The following SPATA2 variants were observed in gnomAD, a reference collection of about 807,000 sequenced individuals.
The protein encoded by SPATA2 is spermatogenesis associated 2, also known as spermatogenesis-associated protein 2.
A neutral mutation model predicts 35.4 loss-of-function variants in SPATA2; 8 were observed. The ratio of observed to expected loss-of-function variants is 0.23; its 90% CI spans 0.13 to 0.41. SPATA2 has a LOEUF of 0.41. SPATA2 is among the 10% of genes least tolerant of loss of function. SPATA2 has a pLI of 1.00. For synonymous variants in SPATA2, 293 were observed against 300.9 expected (o/e 0.97, Z 0.27); for missense variants, 650 against 698.7 (o/e 0.93, Z 0.79).
In SPATA2 at chr20:49,906,339, C is replaced by G. The variant is rs1026667410; in HGVS notation, c.843G>C (p.Thr281=). 1.2e-6 allele frequency: 2 copies of G among 1,610,632 alleles called. No individual in the cohort carries two copies. The highest frequency in any genetic ancestry group is 4.5e-5 in the East Asian group (2 of 44,824). Residue 281 remains threonine (T), a synonymous_variant, in exon 3 of 3, where the codon ACG becomes ACC. Coordinates refer to ENST00000289431, the MANE Select transcript of SPATA2 (RefSeq NM_006038.4). This position sits in a 1 kb window ranked among gnomAD's most constrained non-coding sequence, Gnocchi z 8.2. Reference sequence around the variant, plus strand: ...CATCCTTGAGGTCGTCCCCCACATCCGTTGCCACAGGCTCCTTCCGAAGAC... The same window carrying G: ...CATCCTTGAGGTCGTCCCCCACATCGGTTGCCACAGGCTCCTTCCGAAGAC... ...SLSLRKEPVA[T]DVGDDLKDEI...
chr20:49,911,719 T>C (rs549286162), intron 1 of SPATA2, among the ~76,000 whole-genome samples: 1 of 151,972 alleles, frequency 6.6e-6, no homozygotes, highest in East Asian at 1.9e-4. Context: ...AAATGGATGC[T>C]GCAAAGGATG....
At position 49,905,664 on chromosome 20, in the gene SPATA2, C is replaced by G; in HGVS notation, c.1518G>C (p.Gln506His). 3 of 1,614,212 alleles carry G rather than the reference C, an allele frequency of 1.9e-6. No individual in the cohort carries two copies. Among genetic ancestry groups the G allele is most frequent in the Non-Finnish European group, 2.5e-6 (3 of 1,180,046 alleles). The change falls in exon 3 of 3, where the codon CAG becomes CAC. Residue 506 changes from glutamine to histidine, a missense_variant. Coordinates refer to ENST00000289431, the MANE Select transcript of SPATA2 (RefSeq NM_006038.4). The part of the protein sequence containing the change: ...SELHKFMPNN[Q>H]LNYKSTQLSH... ...AGAGCTGGGTGGACTTGTAGTTCAG[C>G]TGGTTGTTGGGCATGAACTTGTGCA...
chr20:49,913,587 C>G (rs2090193174), intron 1 of SPATA2: 1 of 152,258 alleles, frequency 6.6e-6, no homozygotes. Flanking sequence ...GCTGCATCTG[C>G]TGGACAGCTC....
rs1052536404 is a variant in SPATA2 at position 49,906,738 on chromosome 20, G to A, written c.444C>T (p.Tyr148=). ...GGGTCTCCACGAGCTCTCTGAGCTT[G>A]TATGCAGTGCCCAGCTCAGGTGTGT... ...MGYTPELGTA[Y]KLRELVETLQ... Residue 148 remains tyrosine (Y), a synonymous_variant, in exon 3 of 3, where the codon TAC becomes TAT. Transcript: ENST00000289431. This position sits in a 1 kb window ranked among gnomAD's most constrained non-coding sequence, Gnocchi z 8.2. 3 of 1,614,126 alleles carry A rather than the reference G, an allele frequency of 1.9e-6. No homozygotes were observed. Among genetic ancestry groups the A allele is most frequent in the Admixed American group, 1.7e-5 (1 of 60,012 alleles).
intron 1 of SPATA2, among the ~76,000 whole-genome samples, chr20:49,911,687 GA>G (rs1211542039): frequency 5.3e-4 from 80 of 151,496 alleles, no homozygotes; most frequent in South Asian, 1.5e-3. Context: ...AAAAGAAAAA[GA>G]AAAAGAAAAG....
Position 49,915,461 on chromosome 20 carries a change from C to G in SPATA2, c.-184G>C, listed in dbSNP as rs1321830179. ...GCCGCCGGAGCCGGGCCCCGTCGGG[C>G]TCTAGCCTCTCCGGCCGGCTGCAGG... On this transcript the variant is annotated 5_prime_UTR_variant, in exon 1 of 3. Coordinates refer to ENST00000289431, the MANE Select transcript of SPATA2 (RefSeq NM_006038.4). 1 of 152,250 alleles carries G rather than the reference C, an allele frequency of 6.6e-6. No individual in the cohort carries two copies. The highest frequency in any genetic ancestry group is 1.5e-5 in the Non-Finnish European group (1 of 68,074). 9.4% of individuals were successfully genotyped at this position (152,250 alleles called of 1,614,324 possible). A position where few individuals can be genotyped will look rare whatever the true frequency, so the allele number is the denominator to read the frequency against.
chr20:49,908,512 A>C lies in SPATA2; in HGVS notation c.-22T>G. On this transcript the variant is annotated 5_prime_UTR_variant, in exon 2 of 3. The change abolishes the stop of an existing upstream ORF in the 5' untranslated region. Transcript: ENST00000289431. ...CCATCCGATCGAGGGGGGCTACCTT[A>C]TCTCCTCCATGGCTTCTGGATTAGA... 1 of 1,556,516 alleles carries C rather than the reference A, an allele frequency of 6.4e-7. No homozygotes were observed. The highest frequency in any genetic ancestry group is 8.8e-7 in the Non-Finnish European group (1 of 1,142,812).
In SPATA2 at chr20:49,905,788, C is replaced by T. The variant is rs377592515; in HGVS notation, c.1394G>A (p.Arg465His). ...TPTSRCGFCN[R>H]PGATNTCTQC... The stretch of plus-strand genomic sequence containing the variant: ...GGTGCAGGTGTTGGTGGCGCCTGGG[C>T]GGTTGCAGAAGCCACAGCGGGAAGT... Residue 465 changes from arginine to histidine, a missense_variant, in exon 3 of 3, where the codon CGC becomes CAC. Physicochemically the swap from Arg to His is conservative, Grantham distance 29. Transcript: ENST00000289431. The T allele has an allele frequency of 2.9e-5, 47 of 1,613,968 alleles. No homozygotes were observed. Among genetic ancestry groups the T allele is most frequent in the Non-Finnish European group, 3.2e-5 (38 of 1,179,996 alleles).
At chr20:49,909,376 T>G (rs1034340491) in intron 1 of SPATA2, among the ~76,000 whole-genome samples, 1 of 151,972 alleles carries the variant, frequency 6.6e-6, no homozygotes, top group African/African-American at 2.4e-5. Context: ...GCAGCCCCAG[T>G]GGACCATGTG....
chr20:49,914,438 C>T (rs1043646293), intron 1 of SPATA2, among the ~76,000 whole-genome samples: 2 of 152,140 alleles, frequency 1.3e-5, no homozygotes, highest in Non-Finnish European at 2.9e-5. Flanking sequence ...GTTTACACAT[C>T]CCTGGTCTAG....
At position 49,911,352 on chromosome 20, in the gene SPATA2, G is replaced by C. The variant is rs575478151; in HGVS notation, c.-102-2760C>G. Among the ~76,000 whole-genome samples, 8 of 152,220 alleles carry C rather than the reference G, an allele frequency of 5.3e-5. No homozygotes were observed. In the South Asian group the frequency reaches 1.5e-3, roughly 28 times the overall value. On this transcript the variant is annotated intron_variant, in intron 1 of 2. Transcript: ENST00000289431. ...GATGCCTAACACAGAGCCTGCCTGT[G>C]CTTGATAAAGTAGGTGAAATGGATG...
At position 49,905,673 on chromosome 20, in the gene SPATA2, G is replaced by C. The variant is rs1450660421; in HGVS notation, c.1509C>G (p.Pro503=). 3.7e-6 allele frequency: 6 copies of C among 1,614,096 alleles called. No individual in the cohort carries two copies. The highest frequency in any genetic ancestry group is 5.1e-6 in the Non-Finnish European group (6 of 1,180,046). The change falls in exon 3 of 3, where the codon CCC becomes CCG. Residue 503 remains proline, a synonymous_variant. Transcript: ENST00000289431. ...YKKSELHKFM[P]NNQLNYKSTQ... ...TGGACTTGTAGTTCAGCTGGTTGTTGGGCATGAACTTGTGCAGCTCACTCT... is the reference window on the plus strand; with the variant it reads ...TGGACTTGTAGTTCAGCTGGTTGTTCGGCATGAACTTGTGCAGCTCACTCT...
At position 49,906,350 on chromosome 20, in the gene SPATA2, G is replaced by A. The variant is rs1265814669; in HGVS notation, c.832C>T (p.Pro278Ser). 1 of 1,612,800 alleles carries A rather than the reference G, an allele frequency of 6.2e-7. No homozygotes were observed. The highest frequency in any genetic ancestry group is 1.3e-5 in the African/African-American group (1 of 75,002). Residue 278 changes from proline (P) to serine (S), a missense_variant, in exon 3 of 3, where the codon CCT (proline) becomes TCT (serine). Physicochemically the swap from Pro to Ser is moderately conservative, Grantham distance 74. Coordinates refer to ENST00000289431, the MANE Select transcript of SPATA2 (RefSeq NM_006038.4). The surrounding 1 kb of genome is among the most constrained non-coding windows in gnomAD (Gnocchi z 8.2). ...LKASLSLRKEPVATDVGDDLK... is the reference protein window; with the variant it reads ...LKASLSLRKESVATDVGDDLK... ...TCGTCCCCCACATCCGTTGCCACAG[G>A]CTCCTTCCGAAGACTCAATGAGGCC... is the stretch of plus-strand genomic sequence containing the variant.
Position 49,905,677 on chromosome 20 carries a change from A to T in SPATA2, c.1505T>A (p.Met502Lys). The T allele has an allele frequency of 6.2e-7, 1 of 1,614,228 alleles. No homozygotes were observed. Among genetic ancestry groups the T allele is most frequent in the South Asian group, 1.1e-5 (1 of 91,084 alleles). Residue 502 changes from methionine to lysine, a missense_variant, in exon 3 of 3, where the codon ATG becomes AAG. Coordinates refer to ENST00000289431, the MANE Select transcript of SPATA2 (RefSeq NM_006038.4). Reference sequence around the variant, plus strand: ...CTTGTAGTTCAGCTGGTTGTTGGGCATGAACTTGTGCAGCTCACTCTTTTT... The same window carrying T: ...CTTGTAGTTCAGCTGGTTGTTGGGCTTGAACTTGTGCAGCTCACTCTTTTT... Reference protein sequence around the residue: ...CYKKSELHKFMPNNQLNYKST... With the variant: ...CYKKSELHKFKPNNQLNYKST...
At chr20:49,907,522 CATGAGG>C (rs2090155115) in intron 2 of SPATA2, among the ~76,000 whole-genome samples, 1 of 152,140 alleles carries the variant, frequency 6.6e-6, no homozygotes, top group Admixed American at 6.5e-5. Context: ...CTGGTATTTC[CATGAGG>C]GGCTGAGTAA....
At chr20:49,915,228 C>T (rs6122841) in intron 1 of SPATA2, among the ~76,000 whole-genome samples, 152 bp downstream of exon 1, 1 of 152,188 alleles carries the variant, frequency 6.6e-6, no homozygotes, top group Admixed American at 6.5e-5. Context: ...GCTGGGGGTC[C>T]CGGGAGCGCC....
rs1318779133 is a variant in SPATA2, at chr20:49,904,092, G to A, written c.*1527C>T. On this transcript the variant is annotated 3_prime_UTR_variant, in exon 3 of 3. Transcript: ENST00000289431. Reference sequence around the variant, plus strand: ...AGCTGAATAACTTTCTCCCAGAAAAGCCCACTGCATATAAATCCCTTAACA... The same window carrying A: ...AGCTGAATAACTTTCTCCCAGAAAAACCCACTGCATATAAATCCCTTAACA... 6.6e-6 allele frequency: 1 copy of A among 152,320 alleles called. No individual in the cohort carries two copies. The highest frequency in any genetic ancestry group is 1.5e-5 in the Non-Finnish European group (1 of 67,974). The allele number at this position is 152,320 out of a possible 1,614,324, so 9.4% of individuals were successfully genotyped here.
intron 1 of SPATA2, among the ~76,000 whole-genome samples, chr20:49,911,675 AAAAAAG>A (rs1162371708): frequency 3.3e-4 from 50 of 152,020 alleles, no homozygotes; most frequent in East Asian, 3.1e-3. Context: ...TCTAAAAAAA[AAAAAAG>A]AAAAAGAAAA....
chr20:49,910,519 T>C (rs1008288269), intron 1 of SPATA2, among the ~76,000 whole-genome samples: 1 of 152,108 alleles, frequency 6.6e-6, no homozygotes, highest in Non-Finnish European at 1.5e-5. Context: ...AGAAGCTCCG[T>C]GGGTGCAGGC....
Sources: allele counts gnomAD v4.1 joint callset (sites outside exome capture counted in the v4.1 genomes callset), GRCh38; gene constraint gnomAD v4.1.1; non-coding constraint Gnocchi (gnomAD v3.1); transcripts MANE v1.5; gene names NCBI Gene and HGNC (gene_info 2026-07-23, HGNC 2026-07-21).